Variants in NEIL3 observed in about 807,000 individuals in gnomAD.
NEIL3 encodes the protein nei like DNA glycosylase 3, also known as endonuclease 8-like 3.
Under a neutral mutation model 57.5 loss-of-function variants are expected in NEIL3, and 48 were observed. That is an observed-to-expected ratio of 0.83 (90% CI 0.66 to 1.06). The LOEUF is 1.06. Among genes scored for constraint, NEIL3 ranks in the 50% least tolerant of loss-of-function variants. The pLI is 0.00. For synonymous variants in NEIL3, 261 were observed against 253.2 expected (o/e 1.03, Z -0.29); for missense variants, 717 against 739.1 (o/e 0.97, Z 0.35).
chr4:177,366,883 T>G (rs1735699492), downstream of NEIL3, among the ~76,000 whole-genome samples: 1 of 152,204 alleles, frequency 6.6e-6, no homozygotes, highest in Admixed American at 6.5e-5. Flanking sequence ...TATTGATCTG[T>G]CTTCAAGGTC....
Position 177,322,587 on chromosome 4 carries a change from T to C in NEIL3, c.278+7T>C. 1.2e-6 allele frequency: 2 copies of C among 1,613,796 alleles called. No individual in the cohort carries two copies. Among genetic ancestry groups the C allele is most frequent in the Non-Finnish European group, 1.7e-6 (2 of 1,179,730 alleles). Reference sequence around the variant, plus strand: ...TTGGACCAAAAGCTTTACGGTAAGATAAGCCTGTACGATACATCTTATCTC... The same window carrying C: ...TTGGACCAAAAGCTTTACGGTAAGACAAGCCTGTACGATACATCTTATCTC... On this transcript the variant is annotated splice_region_variant and intron_variant, in intron 2 of 9. Transcript: ENST00000264596.
At chr4:177,364,028 G>A (rs1579012834), downstream of NEIL3, among the ~76,000 whole-genome samples, 1 of 152,200 alleles carries the variant, frequency 6.6e-6, no homozygotes, top group Admixed American at 6.5e-5. Flanking sequence ...TTACAGGCAT[G>A]AGCCACCATG....
At chr4:177,361,813 A>G (rs2110945873) in intron 9 of NEIL3, among the ~76,000 whole-genome samples, 1 of 152,112 alleles carries the variant, frequency 6.6e-6, no homozygotes, top group African/African-American at 2.4e-5. Flanking sequence ...TTTTTTAGAG[A>G]CAGGGTCTCC....
At chr4:177,337,619 A>G (rs1735003034) in intron 4 of NEIL3, among the ~76,000 whole-genome samples, 1 of 152,192 alleles carries the variant, frequency 6.6e-6, no homozygotes, top group South Asian at 2.1e-4. Flanking sequence ...TCTGTGATGC[A>G]CTGAGAATTT....
the NEIL3 span, among the ~76,000 whole-genome samples, chr4:177,370,933 A>G: frequency 6.6e-6 from 1 of 152,072 alleles, no homozygotes; most frequent in Non-Finnish European, 1.5e-5. Flanking sequence ...GAAAAAAGTG[A>G]AGACAAAAAA....
chr4:177,364,469 C>T (rs924623247), downstream of NEIL3, among the ~76,000 whole-genome samples: 3 of 152,168 alleles, frequency 2.0e-5, no homozygotes, highest in African/African-American at 7.2e-5. Flanking sequence ...TTCTCATCTA[C>T]AGAATCAGCA....
At chr4:177,326,274 C>T (rs1734778667) in intron 2 of NEIL3, among the ~76,000 whole-genome samples, 1 of 152,172 alleles carries the variant, frequency 6.6e-6, no homozygotes, top group Middle Eastern at 3.4e-3. Flanking sequence ...GTGTATTTTC[C>T]AGCACCATTG....
intron 6 of NEIL3, among the ~76,000 whole-genome samples, chr4:177,347,161 G>A (rs1735239369): frequency 6.6e-6 from 1 of 152,154 alleles, no homozygotes; most frequent in Admixed American, 6.5e-5. Flanking sequence ...TAAGTCCGTG[G>A]GGAGGACTTT....
Position 177,314,701 on chromosome 4 carries a change from C to T in NEIL3, c.156+4592C>T, listed in dbSNP as rs1734540536. 2.0e-5 allele frequency among the ~76,000 whole-genome samples: 3 copies of T among 152,158 alleles called. 1 individual carries two copies. The South Asian group carries it at 6.2e-4, about 32-fold the overall frequency. On this transcript the variant is annotated intron_variant, in intron 1 of 9. Transcript: ENST00000264596. ...TGTTTTTGATGAATGGGCCTGAGGA[C>T]CTCTATTTTGTTGTTTAGAAATCAC...
chr4:177,327,773 A>G (rs189118279), intron 2 of NEIL3, among the ~76,000 whole-genome samples: 16 of 152,298 alleles, frequency 1.1e-4, no homozygotes, highest in Non-Finnish European at 1.0e-4. Context: ...GAATTTTTCA[A>G]GTATTTTTTC....
intron 1 of NEIL3, among the ~76,000 whole-genome samples, chr4:177,313,541 G>T (rs1423278310): frequency 6.6e-6 from 1 of 152,180 alleles, no homozygotes; most frequent in Non-Finnish European, 1.5e-5. Context: ...AACAATATTG[G>T]AATATAAATG....
At chr4:177,339,264 A>C (rs1048674593) in intron 4 of NEIL3, among the ~76,000 whole-genome samples, 3 of 152,238 alleles carry the variant, frequency 2.0e-5, no homozygotes, top group African/African-American at 7.2e-5. Context: ...GTATTATTAC[A>C]ATAAAGTAAG....
At position 177,351,542 on chromosome 4, in the gene NEIL3, G is replaced by A; in HGVS notation, c.1032G>A (p.Arg344=). The A allele has an allele frequency of 1.2e-6, 2 of 1,610,628 alleles. No individual in the cohort carries two copies. The highest frequency in any genetic ancestry group is 1.7e-4 in the Middle Eastern group (1 of 6,034). ...CATGTGATGCTTGCTTGACCTCAAGGCCTATTGGTAAGACTGAATTTTGAT... is the reference window on the plus strand; with the variant it reads ...CATGTGATGCTTGCTTGACCTCAAGACCTATTGGTAAGACTGAATTTTGAT... ...SKACDACLTS[R]PIDSVLKSEE... is the part of the protein sequence containing the mutation. Residue 344 remains arginine (R), a synonymous_variant, in exon 7 of 10, where the codon AGG becomes AGA. Coordinates refer to ENST00000264596, the MANE Select transcript of NEIL3 (RefSeq NM_018248.3).
intron 2 of NEIL3, among the ~76,000 whole-genome samples, chr4:177,329,462 G>C (rs1334383309): frequency 6.6e-6 from 1 of 151,930 alleles, no homozygotes; most frequent in Non-Finnish European, 1.5e-5. Context: ...TAAAATCAAA[G>C]TAGATTTCAG....
chr4:177,334,569 A>G (rs1734940144), intron 2 of NEIL3, among the ~76,000 whole-genome samples: 1 of 152,138 alleles, frequency 6.6e-6, no homozygotes, highest in Non-Finnish European at 1.5e-5. Flanking sequence ...ACAGTTGTAC[A>G]CCTTTCACTG....
At chr4:177,350,327 T>C (rs980176839) in intron 6 of NEIL3, among the ~76,000 whole-genome samples, 1 of 152,226 alleles carries the variant, frequency 6.6e-6, no homozygotes, top group Non-Finnish European at 1.5e-5. Flanking sequence ...TGACATGCTC[T>C]ATATCCAGAC....
At chr4:177,345,072 G>T (rs779279713) in intron 6 of NEIL3, among the ~76,000 whole-genome samples, 1 of 152,080 alleles carries the variant, frequency 6.6e-6, no homozygotes, top group Non-Finnish European at 1.5e-5. Context: ...AGTGCTCAAG[G>T]GCTAATGTGG....
chr4:177,341,445 A>G (rs748409839), intron 5 of NEIL3, 31 bp from the exon 6 acceptor site: 135 of 1,546,168 alleles, frequency 8.7e-5, no homozygotes, highest in Non-Finnish European at 1.1e-4. Flanking sequence ...TTTTGTGGAT[A>G]ACAGAATTTT....
At chr4:177,317,880 G>A (rs374378940) in intron 1 of NEIL3, among the ~76,000 whole-genome samples, 8 of 151,958 alleles carry the variant, frequency 5.3e-5, no homozygotes, top group South Asian at 2.1e-4. Context: ...TACAGGCACC[G>A]TGCCTGGCCA....
Sources: allele counts gnomAD v4.1 joint callset (sites outside exome capture counted in the v4.1 genomes callset), GRCh38; gene constraint gnomAD v4.1.1; transcripts MANE v1.5; gene names NCBI Gene and HGNC (gene_info 2026-07-23, HGNC 2026-07-21).